C10orf67: variants seen among roughly 807,000 people sequenced by gnomAD.
The protein encoded by C10orf67 is uncharacterized protein C10orf67, mitochondrial.
In C10orf67, 60 loss-of-function variants were observed where a neutral mutation model predicts 35.6. The ratio of observed to expected loss-of-function variants is 1.68; its 90% confidence interval spans 1.37 to 2.09. C10orf67 has a LOEUF of 2.09. Among genes scored for constraint, C10orf67 ranks in the 30% most tolerant of loss-of-function variants. C10orf67 has a pLI of 0.00. For missense variants in C10orf67, 474 were observed against 330.2 expected, an observed-to-expected ratio of 1.44 and a Z score of -3.38; for synonymous variants, 167 against 115.8, an observed-to-expected ratio of 1.44 and a Z score of -2.84.
intron 15 of C10orf67, among the ~76,000 whole-genome samples, chr10:23,218,957 C>T (rs1342335031): frequency 6.6e-6 from 1 of 152,148 alleles, no homozygotes; most frequent in Non-Finnish European, 1.5e-5. Context: ...TCTTAACTAA[C>T]TTACAATTTC....
chr10:23,338,427 A>T lies in C10orf67; in HGVS notation c.207-5245T>A, dbSNP rs535048338. On this transcript the variant is annotated intron_variant, in intron 1 of 15. Transcript: ENST00000636213. ...AGGGAATAGCCAGCCACCTAGCGAC[A>T]GGTTGATAGCACTGAACTTCTTCCA... Among the ~76,000 whole-genome samples, 3 of 152,328 alleles carry T rather than the reference A, an allele frequency of 2.0e-5. 1 individual carries two copies. In the East Asian group the frequency reaches 5.8e-4, roughly 29 times the overall value.
At chr10:23,301,616 A>G (rs1210438909) in intron 5 of C10orf67, among the ~76,000 whole-genome samples, 1 of 152,180 alleles carries the variant, frequency 6.6e-6, no homozygotes, top group East Asian at 1.9e-4. Flanking sequence ...GATGGTGGCA[A>G]GCCTCGTGTT....
chr10:23,280,017 C>G (rs969164558), intron 8 of C10orf67, among the ~76,000 whole-genome samples: 1 of 151,846 alleles, frequency 6.6e-6, no homozygotes, highest in Non-Finnish European at 1.5e-5. Flanking sequence ...CCATGCCTAG[C>G]TAATCTTTTT....
rs58119629 is a variant in C10orf67 at position 23,246,778 on chromosome 10, GA to G, written c.1346+3676del. On this transcript the variant is annotated intron_variant, in intron 12 of 15. Transcript: ENST00000636213. ...AAGTTTAAAACGTAAAAAATAAAAA[GA>G]AAAAAACACAGACAAAAGCTTAAAG... 7.3e-3 allele frequency among the ~76,000 whole-genome samples: 1,117 copies of G among 152,034 alleles called. 12 individuals are homozygous for G. The highest frequency in any genetic ancestry group is 0.025 in the African/African-American group (1,054 of 41,488).
At chr10:23,330,454 C>A (rs1344433128) in intron 2 of C10orf67, among the ~76,000 whole-genome samples, 1 of 151,986 alleles carries the variant, frequency 6.6e-6, no homozygotes, top group African/African-American at 2.4e-5. Context: ...CAGAGTGAGA[C>A]CCTGTCTCAA....
At chr10:23,280,759 A>C (rs902611016) in intron 8 of C10orf67, among the ~76,000 whole-genome samples, 9 of 152,222 alleles carry the variant, frequency 5.9e-5, no homozygotes, top group African/African-American at 2.2e-4. Context: ...AGTTAAAATA[A>C]AGAGGCAAAG....
At position 23,297,559 on chromosome 10, in the gene C10orf67, A is replaced by G. The variant is rs546132453; in HGVS notation, c.702+5745T>C. On this transcript the variant is annotated intron_variant, in intron 5 of 15. Transcript: ENST00000636213. Reference sequence around the variant, plus strand: ...GATTACTTTCAAGTACTCCATTATCACTGACAACTGCATACCCCGCTTTTC... The same window carrying G: ...GATTACTTTCAAGTACTCCATTATCGCTGACAACTGCATACCCCGCTTTTC... 2.0e-5 allele frequency among the ~76,000 whole-genome samples: 3 copies of G among 152,306 alleles called. No homozygotes were observed. In the South Asian group the frequency reaches 6.2e-4, roughly 32 times the overall value.
At chr10:23,303,564 AAACATTTCATCTTTT>A in intron 4 of C10orf67, 105 bp from the exon 5 acceptor site, 1 of 439,268 alleles carries the variant, frequency 2.3e-6, no homozygotes, top group Non-Finnish European at 4.1e-6. Flanking sequence ...CACCACCAGA[AAACATTTCATCTTTT>A]AAGCTACTGT....
chr10:23,213,618 C>A (rs754686347), intron 15 of C10orf67, among the ~76,000 whole-genome samples: 49 of 152,158 alleles, frequency 3.2e-4, no homozygotes, highest in Non-Finnish European at 3.4e-4. Flanking sequence ...CAGGCCCTCA[C>A]AAAGCAAATT....
chr10:23,218,449 C>T (rs1841491653), intron 15 of C10orf67, among the ~76,000 whole-genome samples: 1 of 151,928 alleles, frequency 6.6e-6, no homozygotes, highest in African/African-American at 2.4e-5. Context: ...CTCCCAGCCC[C>T]AGGTTTTAAT....
At chr10:23,267,413 A>G (rs1189290483) in intron 8 of C10orf67, among the ~76,000 whole-genome samples, 159 bp from the exon 9 acceptor site, 2 of 152,206 alleles carry the variant, frequency 1.3e-5, no homozygotes, top group African/African-American at 4.8e-5. Flanking sequence ...AGAAAAAACA[A>G]ACTTGTATCC....
chr10:23,306,219 G>A (rs759960258), intron 4 of C10orf67, among the ~76,000 whole-genome samples: 2 of 152,070 alleles, frequency 1.3e-5, no homozygotes, highest in Admixed American at 6.6e-5. Context: ...TGAACTTGAA[G>A]CAGGGAGTAG....
intron 2 of C10orf67, among the ~76,000 whole-genome samples, chr10:23,325,957 GA>G (rs890032892): frequency 6.6e-5 from 10 of 151,980 alleles, no homozygotes; most frequent in African/African-American, 2.4e-4. Flanking sequence ...AAAGATGGCA[GA>G]AAAAAACTGT....
chr10:23,265,377 T>C (rs1288765389), intron 10 of C10orf67, among the ~76,000 whole-genome samples: 1 of 152,218 alleles, frequency 6.6e-6, no homozygotes, highest in African/African-American at 2.4e-5. Context: ...AAGTGCAAAT[T>C]CTGCCCTGTG....
At chr10:23,262,835 C>T (rs1392238825) in intron 10 of C10orf67, among the ~76,000 whole-genome samples, 2 of 152,162 alleles carry the variant, frequency 1.3e-5, no homozygotes, top group Non-Finnish European at 2.9e-5. Context: ...AAATATATTA[C>T]TCACATTTTC....
chr10:23,254,468 C>T (rs1274772191), intron 10 of C10orf67, among the ~76,000 whole-genome samples: 2 of 151,900 alleles, frequency 1.3e-5, no homozygotes, highest in Non-Finnish European at 2.9e-5. Context: ...CCTTGGCCTC[C>T]TAAAGTGCTG....
At chr10:23,218,372 C>T (rs1360287371) in intron 15 of C10orf67, among the ~76,000 whole-genome samples, 1 of 148,448 alleles carries the variant, frequency 6.7e-6, no homozygotes, top group Non-Finnish European at 1.5e-5. Flanking sequence ...GTTCTCAAAC[C>T]CCTGAGCACA....
rs77107168 is a variant in C10orf67, at chr10:23,262,209, C to T, written c.1200+4053G>A. The stretch of plus-strand genomic sequence containing the variant: ...GACAGCATGTCAGATGCTCAGCCTT[C>T]CGGGGAAAAGACCCACGTCTGGGTA... On this transcript the variant is annotated intron_variant, in intron 10 of 15. Transcript: ENST00000636213. 8.9e-3 allele frequency among the ~76,000 whole-genome samples: 1,348 copies of T among 152,248 alleles called. 89 individuals carry two copies. The East Asian group carries it at 0.17, about 19-fold the overall frequency.
intron 1 of C10orf67, chr10:23,343,780 C>T (rs923499465): frequency 3.0e-6 from 1 of 329,578 alleles, no homozygotes; most frequent in Non-Finnish European, 6.3e-6. Flanking sequence ...CAGTGATCCC[C>T]TCGAAAAACA....
Sources: gnomAD v4.1 joint callset for allele counts (sites outside exome capture counted in the v4.1 genomes callset) on GRCh38, gnomAD v4.1.1 for gene constraint, MANE v1.5 for transcripts, NCBI Gene and HGNC (gene_info 2026-07-23, HGNC 2026-07-21) for gene names.